The following EML6 variants were observed in gnomAD, a reference collection of about 807,000 sequenced individuals.
EML6 encodes the protein EMAP like 6.
A neutral mutation model predicts 240.1 loss-of-function variants in EML6; 154 were observed. That is an observed-to-expected ratio of 0.64 (90% CI 0.56 to 0.73). The LOEUF is 0.73. Among genes scored for constraint, EML6 ranks in the 30% least tolerant of loss-of-function variants. The pLI is 0.00. For synonymous variants in EML6, 1,148 were observed against 899.0 expected (o/e 1.28, Z -4.95); for missense variants, 2,964 against 2,474.6 (o/e 1.20, Z -4.20).
chr2:54,789,680 A>G (rs538273716), intron 2 of EML6, among the ~76,000 whole-genome samples: 2 of 152,248 alleles, frequency 1.3e-5, no homozygotes, highest in African/African-American at 4.8e-5. Context: ...ATGCTTTACA[A>G]ACTCTACCTT....
chr2:54,815,209 T>C (rs1228802546), intron 3 of EML6, among the ~76,000 whole-genome samples: 1 of 152,210 alleles, frequency 6.6e-6, no homozygotes, highest in Non-Finnish European at 1.5e-5. Context: ...TATTCTCCTT[T>C]AGGTTTCATT....
At chr2:54,937,650 TA>T (rs1461144341) in intron 28 of EML6, among the ~76,000 whole-genome samples, 4 of 151,328 alleles carry the variant, frequency 2.6e-5, no homozygotes, top group African/African-American at 9.7e-5. Flanking sequence ...GTTTACTTTA[TA>T]AATTATGGAT....
chr2:54,962,273 T>C (rs1676555302), intron 35 of EML6, among the ~76,000 whole-genome samples: 1 of 151,958 alleles, frequency 6.6e-6, no homozygotes. Flanking sequence ...ATTTTGACCA[T>C]TTGTAAATAT....
chr2:54,795,937 C>G (rs1416552316), intron 2 of EML6, among the ~76,000 whole-genome samples: 1 of 152,228 alleles, frequency 6.6e-6, no homozygotes. Flanking sequence ...CATGGACATA[C>G]TCACTGGTGG....
intron 5 of EML6, among the ~76,000 whole-genome samples, chr2:54,825,927 C>T (rs1403151106): frequency 1.3e-5 from 2 of 152,188 alleles, no homozygotes; most frequent in African/African-American, 4.8e-5. Context: ...TCATCTCATC[C>T]TGCTTCTCTG....
Position 54,856,993 on chromosome 2 carries a change from G to C in EML6, c.1658-2541G>C, listed in dbSNP as rs564084801. Among the ~76,000 whole-genome samples, 15 of 152,344 alleles carry C rather than the reference G, an allele frequency of 9.8e-5. No individual in the cohort carries two copies. In the East Asian group the frequency reaches 2.7e-3, roughly 27 times the overall value. On this transcript the variant is annotated intron_variant, in intron 11 of 41. Transcript: ENST00000356458. Reference sequence around the variant, plus strand: ...TCAAGGCAGAGCTGAGGGTCTTACAGATGGACTGGATATGAGAATAGAGGA... The same window carrying C: ...TCAAGGCAGAGCTGAGGGTCTTACACATGGACTGGATATGAGAATAGAGGA...
chr2:54,956,646 G>T (rs142277068), intron 32 of EML6, among the ~76,000 whole-genome samples: 5 of 151,988 alleles, frequency 3.3e-5, no homozygotes, highest in Non-Finnish European at 5.9e-5. Flanking sequence ...CCCTAGCCTC[G>T]CCTGGAAAGA....
intron 30 of EML6, 72 bp from the exon 31 acceptor site, chr2:54,952,522 G>T (rs1003137653): frequency 2.3e-6 from 2 of 872,304 alleles, no homozygotes; most frequent in Non-Finnish European, 3.6e-6. Context: ...ATGGCTCCAC[G>T]CGATGTTTTG....
chr2:54,930,354 A>G (rs1303948485), intron 28 of EML6, among the ~76,000 whole-genome samples: 2 of 152,190 alleles, frequency 1.3e-5, no homozygotes, highest in Non-Finnish European at 2.9e-5. Context: ...AAATCTGTCA[A>G]CATTTCGTAC....
At position 54,725,078 on chromosome 2, in the gene EML6, C is replaced by T; in HGVS notation, c.17C>T (p.Ala6Val). Residue 6 changes from alanine to valine, a missense_variant, in exon 2 of 42, where the codon GCG becomes GTG. Coordinates refer to ENST00000356458, the MANE Select transcript of EML6 (RefSeq NM_001039753.4). This position sits in a 1 kb window ranked among gnomAD's most constrained non-coding sequence, Gnocchi z 4.3. MADRT[A>V]PRCQLRLEWV... Reference sequence around the variant, plus strand: ...CGGCTTATCATGGCGGATCGGACGGCGCCCCGCTGCCAGCTCCGGCTGGAG... The same window carrying T: ...CGGCTTATCATGGCGGATCGGACGGTGCCCCGCTGCCAGCTCCGGCTGGAG... 1.2e-5 allele frequency: 18 copies of T among 1,527,386 alleles called. No homozygotes were observed. The highest frequency in any genetic ancestry group is 1.6e-5 in the Non-Finnish European group (18 of 1,137,162). The allele number at this position is 1,527,386 out of a possible 1,614,324, so 94.6% of individuals were successfully genotyped here.
Position 54,954,145 on chromosome 2 carries a change from G to A in EML6, c.4475G>A (p.Arg1492Gln), listed in dbSNP as rs762509744. The part of the protein sequence containing the change: ...VDPEHTITVW[R>Q]WQEGAKVASR... ...CCTGAGCACACCATCACTGTCTGGC[G>A]ATGGCAGGAAGGTAAACCAGCACTG... The change falls in exon 32 of 42, where the codon CGA becomes CAA. Residue 1492 changes from arginine (R) to glutamine (Q), a missense_variant. Coordinates refer to ENST00000356458, the MANE Select transcript of EML6 (RefSeq NM_001039753.4). The A allele has an allele frequency of 9.0e-6, 14 of 1,550,848 alleles. No individual in the cohort carries two copies. The highest frequency in any genetic ancestry group is 3.6e-5 in the South Asian group (3 of 83,902).
At chr2:54,841,760 T>C (rs145162545) in intron 7 of EML6, among the ~76,000 whole-genome samples, 9 of 152,124 alleles carry the variant, frequency 5.9e-5, no homozygotes, top group African/African-American at 2.2e-4. Flanking sequence ...GTCCAGCTAA[T>C]TTTTCTATTT....
rs1157557565 is a variant in EML6, at chr2:54,964,700, G to C, written c.5460G>C (p.Gln1820His). Residue 1820 changes from glutamine (Q) to histidine (H), a missense_variant, in exon 38 of 42, where the codon CAG becomes CAC. Transcript: ENST00000356458. ...YCKDIPSFVI[Q>H]MDFSADGKYI... ...AAGATATCCCAAGCTTTGTCATTCA[G>C]ATGGATTTTTCTGCGGATGGCAAAT... 5 of 1,552,070 alleles carry C rather than the reference G, an allele frequency of 3.2e-6. No homozygotes were observed. The East Asian group carries it at 7.3e-5, about 23-fold the overall frequency.
intron 17 of EML6, among the ~76,000 whole-genome samples, chr2:54,887,387 C>T (rs1672205645): frequency 6.6e-6 from 1 of 152,206 alleles, no homozygotes; most frequent in African/African-American, 2.4e-5. Context: ...AAATATAATT[C>T]TCACAGAAAG....
In EML6 at chr2:54,928,662, C is replaced by G. The variant is rs554541052; in HGVS notation, c.3915C>G (p.Asp1305Glu). ...ATGTTGCTAGAGAAAAGGCCATTGA[C>G]TACACCACCAAGATTTATGCTGTGA... Reference protein sequence around the residue: ...DSDVAREKAIDYTTKIYAVSI... With the variant: ...DSDVAREKAIEYTTKIYAVSI... Residue 1305 changes from aspartate (D) to glutamate (E), a missense_variant, in exon 28 of 42, where the codon GAC (aspartate) becomes GAG (glutamate). Transcript: ENST00000356458. 1.1e-5 allele frequency: 17 copies of G among 1,552,112 alleles called. No homozygotes were observed. In the South Asian group the frequency reaches 1.3e-4, roughly 12 times the overall value.
intron 2 of EML6, among the ~76,000 whole-genome samples, chr2:54,751,120 G>T (rs181854606): frequency 2.0e-5 from 3 of 152,290 alleles, no homozygotes; most frequent in East Asian, 3.9e-4. Context: ...TCTTTGAAAG[G>T]GATGGTTGCC....
At position 54,726,922 on chromosome 2, in the gene EML6, A is replaced by G. The variant is rs354240; in HGVS notation, c.197+1664A>G. Among the ~76,000 whole-genome samples, 754 of 152,336 alleles carry G rather than the reference A, an allele frequency of 4.9e-3. 9 individuals are homozygous for G. The highest frequency in any genetic ancestry group is 7.8e-3 in the Admixed American group (119 of 15,304). On this transcript the variant is annotated intron_variant, in intron 2 of 41. Transcript: ENST00000356458. ...TCTGTGGTTAAATAATATTAATGTGACAGTTCACTGAACTACTTTGTGGAT... is the reference window on the plus strand; with the variant it reads ...TCTGTGGTTAAATAATATTAATGTGGCAGTTCACTGAACTACTTTGTGGAT...
intron 2 of EML6, among the ~76,000 whole-genome samples, chr2:54,743,035 C>G (rs1034768069): frequency 1.3e-5 from 2 of 152,204 alleles, no homozygotes; most frequent in East Asian, 3.8e-4. Flanking sequence ...TCATATTAAA[C>G]ATTAAAGTAA....
chr2:54,927,006 A>C (rs1253491310), intron 26 of EML6, among the ~76,000 whole-genome samples: 1 of 152,250 alleles, frequency 6.6e-6, no homozygotes, highest in East Asian at 1.9e-4. Flanking sequence ...GCTTCCAGCT[A>C]GAAGACCAGC....
Sources: gnomAD v4.1 joint callset for allele counts (sites outside exome capture counted in the v4.1 genomes callset) on GRCh38, gnomAD v4.1.1 for gene constraint, Gnocchi (gnomAD v3.1) non-coding constraint, MANE v1.5 for transcripts, NCBI Gene and HGNC (gene_info 2026-07-23, HGNC 2026-07-21) for gene names.